Variants in RAB4B observed in about 807,000 individuals in gnomAD.
The protein encoded by RAB4B is RAB4B, member RAS oncogene family.
In RAB4B, 15 loss-of-function variants were observed where a neutral mutation model predicts 28.3. The observed-to-expected ratio is 0.53, with a 90% CI of 0.35 to 0.82. The LOEUF is 0.82. RAB4B is among the 40% of genes least tolerant of loss of function. The pLI is 0.01. For missense variants in RAB4B, 244 were observed against 288.5 expected, an observed-to-expected ratio of 0.85 and a Z score of 1.12; for synonymous variants, 108 against 116.3, an observed-to-expected ratio of 0.93 and a Z score of 0.46.
chr19:40,789,629 G>A (rs2083138592), intron 7 of RAB4B, among the ~76,000 whole-genome samples: 3 of 150,818 alleles, frequency 2.0e-5, no homozygotes, highest in South Asian at 2.1e-4. Context: ...TCAGTCTCCC[G>A]AGTAGCTGGG....
intron 1 of RAB4B, 56 bp from the exon 2 acceptor site, chr19:40,779,963 T>G: frequency 6.2e-7 from 1 of 1,609,542 alleles, no homozygotes. Flanking sequence ...TCCATCTTTT[T>G]TCCCTGTATC....
In RAB4B at chr19:40,780,517, C is replaced by T. The variant is rs1416545646; in HGVS notation, c.212+18C>T. The T allele has an allele frequency of 1.3e-6, 2 of 1,598,380 alleles. No individual in the cohort carries two copies. The highest frequency in any genetic ancestry group is 2.2e-5 in the South Asian group (2 of 90,212). ...CGGTTTCGGTAGGTGGGCTGGGCTC[C>T]CAAGGGTGATGGGGAGAGAGAGTGA... On this transcript the variant is annotated intron_variant, in intron 3 of 7. Transcript: ENST00000357052.
At chr19:40,781,982 C>G (rs1166804930) in intron 3 of RAB4B, among the ~76,000 whole-genome samples, 3 of 144,576 alleles carry the variant, frequency 2.1e-5, no homozygotes, top group Non-Finnish European at 4.5e-5. Flanking sequence ...GATCGCGCCA[C>G]TGCACTCCAG....
At chr19:40,785,064 C>T (rs968818911) in intron 5 of RAB4B, among the ~76,000 whole-genome samples, 1 of 151,964 alleles carries the variant, frequency 6.6e-6, no homozygotes, top group Admixed American at 6.6e-5. Context: ...CCGACTGCCT[C>T]GGCCTCCCAA....
In RAB4B at chr19:40,788,480, TTA is replaced by T. The variant is rs1491527305; in HGVS notation, c.*15+1503_*15+1504del. 5.2e-3 allele frequency among the ~76,000 whole-genome samples: 399 copies of T among 76,116 alleles called. 2 individuals carry two copies. Among genetic ancestry groups the T allele is most frequent in the African/African-American group, 0.02 (334 of 16,744 alleles). 49.9% of individuals were successfully genotyped at this position (76,116 alleles called of 152,430 possible). A position where few individuals can be genotyped will look rare whatever the true frequency, so the allele number is the denominator to read the frequency against. On this transcript the variant is annotated intron_variant, in intron 7 of 7. Transcript: ENST00000357052. Reference sequence around the variant, plus strand: ...CAGCCTGGGTGACAGAGCGAGACTCTTAAAAAAAAAAAAAAAAAAAAAAGTAA... The same window carrying T: ...CAGCCTGGGTGACAGAGCGAGACTCTAAAAAAAAAAAAAAAAAAAAAGTAA...
rs145426551 is a variant in RAB4B at position 40,782,633 on chromosome 19, C to T, written c.213-1145C>T. 6.9e-3 allele frequency among the ~76,000 whole-genome samples: 1,031 copies of T among 149,682 alleles called. 15 individuals carry two copies. Among genetic ancestry groups the T allele is most frequent in the African/African-American group, 0.024 (965 of 40,554 alleles). On this transcript the variant is annotated intron_variant, in intron 3 of 7. Coordinates refer to ENST00000357052, the MANE Select transcript of RAB4B (RefSeq NM_016154.5). ...TTCAATACCACACTGGCCAACATGGCGAAACCCCATCTCTACTAAAAATAC... is the reference window on the plus strand; with the variant it reads ...TTCAATACCACACTGGCCAACATGGTGAAACCCCATCTCTACTAAAAATAC...
intron 7 of RAB4B, among the ~76,000 whole-genome samples, chr19:40,793,243 C>CT (rs937913632): frequency 5.0e-4 from 74 of 148,084 alleles, no homozygotes; most frequent in Admixed American, 2.6e-3. Flanking sequence ...TTTCCTTTTC[C>CT]TTTTTTTTTT....
At chr19:40,781,249 T>C (rs1377677426) in intron 3 of RAB4B, among the ~76,000 whole-genome samples, 1 of 150,352 alleles carries the variant, frequency 6.7e-6, no homozygotes, top group Non-Finnish European at 1.5e-5. Context: ...ATCGCACCAC[T>C]GCACCCCAGC....
intron 3 of RAB4B, 114 bp from the exon 4 acceptor site, chr19:40,783,664 A>G: frequency 2.0e-6 from 2 of 994,034 alleles, no homozygotes; most frequent in Non-Finnish European, 2.8e-6. Flanking sequence ...GTTTTGGGGG[A>G]TGGGCCAGCA....
At chr19:40,780,151 G>A in intron 2 of RAB4B, 52 bp downstream of exon 2, 2 of 1,600,932 alleles carry the variant, frequency 1.2e-6, no homozygotes, top group South Asian at 1.1e-5. Flanking sequence ...TATGCGCATG[G>A]TGTGGGCTGG....
intron 1 of RAB4B, chr19:40,779,388 G>A (rs1417684489): frequency 6.5e-6 from 1 of 152,920 alleles, no homozygotes; most frequent in Non-Finnish European, 1.5e-5. Flanking sequence ...CTGTTGATGT[G>A]AGTAAAGACC....
chr19:40,778,250 A>C lies in RAB4B; in HGVS notation c.-126A>C. On this transcript the variant is annotated 5_prime_UTR_variant, in exon 1 of 8. Coordinates refer to ENST00000357052, the MANE Select transcript of RAB4B (RefSeq NM_016154.5). ...CGCGCCGGAGGGGGGCGGAGGCGGA[A>C]GTGGCGGTGCCGGGCCCGGGGAGTA... is the stretch of plus-strand genomic sequence containing the variant. 3.3e-5 allele frequency: 27 copies of C among 816,988 alleles called. No homozygotes were observed. The highest frequency in any genetic ancestry group is 7.3e-5 in the African/African-American group (4 of 54,588). 50.6% of individuals were successfully genotyped at this position (816,988 alleles called of 1,614,324 possible). A position where few individuals can be genotyped will look rare whatever the true frequency, so the allele number is the denominator to read the frequency against.
At chr19:40,780,333 T>G in intron 2 of RAB4B, 52 bp from the exon 3 acceptor site, 3 of 1,518,006 alleles carry the variant, frequency 2.0e-6, no homozygotes, top group Non-Finnish European at 2.7e-6. Context: ...GGGGATCCTC[T>G]GAGCTGTCTC....
chr19:40,780,528 G>T lies in RAB4B; in HGVS notation c.212+29G>T, dbSNP rs769227277. 1.2e-5 allele frequency: 19 copies of T among 1,568,044 alleles called. No homozygotes were observed. In the South Asian group the frequency reaches 1.8e-4, roughly 15 times the overall value. On this transcript the variant is annotated intron_variant, in intron 3 of 7. Coordinates refer to ENST00000357052, the MANE Select transcript of RAB4B (RefSeq NM_016154.5). Reference sequence around the variant, plus strand: ...GGTGGGCTGGGCTCCCAAGGGTGATGGGGAGAGAGAGTGAGAAGGAAAGAG... The same window carrying T: ...GGTGGGCTGGGCTCCCAAGGGTGATTGGGAGAGAGAGTGAGAAGGAAAGAG...
At chr19:40,784,725 C>G (rs1425797833) in intron 5 of RAB4B, among the ~76,000 whole-genome samples, 1 of 152,116 alleles carries the variant, frequency 6.6e-6, no homozygotes, top group Non-Finnish European at 1.5e-5. Flanking sequence ...GGAGGCCGCA[C>G]AGGGTATTGG....
rs2083073512 is a variant in RAB4B, at chr19:40,783,833, A to C, written c.268A>C (p.Ile90Leu). The C allele has an allele frequency of 4.4e-6, 7 of 1,576,168 alleles. No individual in the cohort carries two copies. The highest frequency in any genetic ancestry group is 6.0e-6 in the Non-Finnish European group (7 of 1,157,204). The change falls in exon 4 of 8, where the codon ATC (isoleucine) becomes CTC (leucine). Residue 90 changes from isoleucine (I) to leucine (L), a missense_variant. Transcript: ENST00000357052. ...GAAGALLVYD[I>L]TSRETYNSLA... Reference sequence around the variant, plus strand: ...GGCTGGAGCCCTGCTGGTGTACGACATCACCAGGTGGGTGCCCGGGGTGGG... The same window carrying C: ...GGCTGGAGCCCTGCTGGTGTACGACCTCACCAGGTGGGTGCCCGGGGTGGG...
chr19:40,778,908 A>G, intron 1 of RAB4B: 2 of 963,274 alleles, frequency 2.1e-6, no homozygotes, highest in Non-Finnish European at 2.5e-6. Context: ...GAGGGAGGGA[A>G]GGAGAGGTCG....
Position 40,783,785 on chromosome 19 carries a change from A to G in RAB4B, c.220A>G (p.Thr74Ala). Residue 74 changes from threonine (T) to alanine (A), a missense_variant, in exon 4 of 8, where the codon ACG becomes GCG. Thr to Ala is a moderately conservative substitution (Grantham distance 58). Coordinates refer to ENST00000357052, the MANE Select transcript of RAB4B (RefSeq NM_016154.5). The part of the protein sequence containing the change: ...TAGQERFRSV[T>A]RSYYRGAAGA... Reference sequence around the variant, plus strand: ...GTCCCCCTGGCCCCACAGGTCAGTGACGCGGAGTTATTACCGAGGGGCGGC... The same window carrying G: ...GTCCCCCTGGCCCCACAGGTCAGTGGCGCGGAGTTATTACCGAGGGGCGGC... 6.4e-7 allele frequency: 1 copy of G among 1,551,370 alleles called. No individual in the cohort carries two copies. Among genetic ancestry groups the G allele is most frequent in the Non-Finnish European group, 8.7e-7 (1 of 1,144,432 alleles).
At chr19:40,780,124 G>A in intron 2 of RAB4B, 25 bp downstream of exon 2, 1 of 1,612,862 alleles carries the variant, frequency 6.2e-7, no homozygotes, top group Non-Finnish European at 8.5e-7. Context: ...GTGGTCCTGG[G>A]AACCCTGAGC....
Sources: gnomAD v4.1 joint callset for allele counts (sites outside exome capture counted in the v4.1 genomes callset) on GRCh38, gnomAD v4.1.1 for gene constraint, MANE v1.5 for transcripts, NCBI Gene and HGNC (gene_info 2026-07-23, HGNC 2026-07-21) for gene names.